The following HCN1 variants were observed in gnomAD, a reference collection of about 807,000 sequenced individuals.
The protein encoded by HCN1 is potassium/sodium hyperpolarization-activated cyclic nucleotide-gated channel 1.
A neutral mutation model predicts 78.9 loss-of-function variants in HCN1; 13 were observed. The ratio of observed to expected loss-of-function variants is 0.16; its 90% confidence interval spans 0.11 to 0.26. The LOEUF is 0.26. Among genes scored for constraint, HCN1 ranks in the 10% least tolerant of loss-of-function variants. The pLI is 1.00. For missense variants in HCN1, 810 were observed against 1,154.3 expected (o/e 0.70, Z 4.32); for synonymous variants, 552 against 455.5 (o/e 1.21, Z -2.70).
At chr5:45,594,274 C>T (rs1421629468) in intron 2 of HCN1, among the ~76,000 whole-genome samples, 5 of 152,122 alleles carry the variant, frequency 3.3e-5, no homozygotes, top group African/African-American at 4.8e-5. Flanking sequence ...AATGATTCTA[C>T]TTTCATTTCA....
chr5:45,302,376 G>T (rs1001390377), intron 6 of HCN1, among the ~76,000 whole-genome samples: 2 of 151,986 alleles, frequency 1.3e-5, no homozygotes, highest in African/African-American at 4.8e-5. Flanking sequence ...GGCCTTCCCA[G>T]CTATGTGGAA....
chr5:45,573,907 T>A (rs530934549), intron 2 of HCN1, among the ~76,000 whole-genome samples: 2 of 152,204 alleles, frequency 1.3e-5, no homozygotes, highest in South Asian at 4.1e-4. Context: ...ATTTATTTTA[T>A]GAGAAAAATA....
At chr5:45,640,402 T>C (rs756039121) in intron 2 of HCN1, among the ~76,000 whole-genome samples, 8 of 152,094 alleles carry the variant, frequency 5.3e-5, no homozygotes, top group Non-Finnish European at 1.2e-4. Context: ...TTCTTCCCTA[T>C]GATATCTATG....
At position 45,539,919 on chromosome 5, in the gene HCN1, G is replaced by GATATATAT. The variant is rs66934051; in HGVS notation, c.850-77920_850-77913dup. ...GAAATCCCATTGTTTTAAATTGTGA[G>GATATATAT]ATATATATATATATATATATATATA... is the stretch of plus-strand genomic sequence containing the variant. On this transcript the variant is annotated intron_variant, in intron 2 of 7. Coordinates refer to ENST00000303230, the MANE Select transcript of HCN1 (RefSeq NM_021072.4). Among the ~76,000 whole-genome samples the GATATATAT allele has an allele frequency of 5.7e-3, 723 of 125,932 alleles. 5 individuals are homozygous for GATATATAT. Among genetic ancestry groups the GATATATAT allele is most frequent in the African/African-American group, 0.023 (682 of 29,826 alleles). The allele number at this position is 125,932 out of a possible 152,430, so 82.6% of individuals were successfully genotyped here.
chr5:45,667,506 A>G (rs1746074015), intron 1 of HCN1, among the ~76,000 whole-genome samples: 2 of 152,054 alleles, frequency 1.3e-5, no homozygotes, highest in Admixed American at 6.6e-5. Context: ...GTTGAAAAAC[A>G]TTTTAAGTAC....
intron 2 of HCN1, among the ~76,000 whole-genome samples, chr5:45,599,786 C>T (rs947847264): frequency 2.6e-5 from 4 of 151,298 alleles, no homozygotes; most frequent in East Asian, 3.9e-4. Context: ...GTTGTCTCTG[C>T]AGGATGACCA....
intron 1 of HCN1, among the ~76,000 whole-genome samples, chr5:45,663,091 A>G (rs1745953585): frequency 6.7e-6 from 1 of 149,874 alleles, no homozygotes; most frequent in African/African-American, 2.5e-5. Flanking sequence ...ACAGCATGGT[A>G]CTGGTACCAA....
intron 5 of HCN1, among the ~76,000 whole-genome samples, chr5:45,332,742 T>C (rs1422533617): frequency 6.6e-6 from 1 of 151,726 alleles, no homozygotes; most frequent in Non-Finnish European, 1.5e-5. Flanking sequence ...TATGTGAGGT[T>C]TGTCTTTTTG....
intron 1 of HCN1, among the ~76,000 whole-genome samples, chr5:45,677,076 T>C (rs1316998659): frequency 6.6e-6 from 1 of 151,838 alleles, no homozygotes; most frequent in Admixed American, 6.6e-5. Flanking sequence ...CTAATTCCTA[T>C]TTGTCTTTGA....
chr5:45,573,512 C>T (rs539644286), intron 2 of HCN1, among the ~76,000 whole-genome samples: 5 of 151,892 alleles, frequency 3.3e-5, no homozygotes, highest in Non-Finnish European at 7.4e-5. Context: ...TAACACTATC[C>T]TTTTCTTACT....
At chr5:45,551,689 G>A (rs1743373978) in intron 2 of HCN1, among the ~76,000 whole-genome samples, 1 of 151,790 alleles carries the variant, frequency 6.6e-6, no homozygotes, top group Non-Finnish European at 1.5e-5. Context: ...AGTAATACCT[G>A]TTTCCAACAA....
At chr5:45,614,780 CA>C (rs1317550517) in intron 2 of HCN1, among the ~76,000 whole-genome samples, 5 of 151,896 alleles carry the variant, frequency 3.3e-5, no homozygotes, top group Non-Finnish European at 7.4e-5. Flanking sequence ...AAAAGAATTT[CA>C]TTTGTGCTCA....
intron 2 of HCN1, among the ~76,000 whole-genome samples, chr5:45,573,992 T>C (rs1480898121): frequency 1.3e-5 from 2 of 152,246 alleles, no homozygotes; most frequent in East Asian, 3.9e-4. Context: ...CAATAGCATA[T>C]ACAAAATAAA....
At chr5:45,671,726 G>C (rs535461230) in intron 1 of HCN1, among the ~76,000 whole-genome samples, 3 of 151,590 alleles carry the variant, frequency 2.0e-5, no homozygotes, top group African/African-American at 7.2e-5. Context: ...GCTATGTAAA[G>C]TGTTCCAATA....
At chr5:45,487,358 T>TA (rs1741788997) in intron 2 of HCN1, among the ~76,000 whole-genome samples, 1 of 152,134 alleles carries the variant, frequency 6.6e-6, no homozygotes. Context: ...AAAGTTTTCC[T>TA]AAAAATATTT....
intron 2 of HCN1, among the ~76,000 whole-genome samples, chr5:45,536,947 T>G (rs1351189406): frequency 6.6e-6 from 1 of 152,184 alleles, no homozygotes; most frequent in Non-Finnish European, 1.5e-5. Flanking sequence ...TGCAATTGCA[T>G]GCACAATTTC....
At chr5:45,526,918 C>T (rs758373157) in intron 2 of HCN1, among the ~76,000 whole-genome samples, 3 of 151,346 alleles carry the variant, frequency 2.0e-5, no homozygotes, top group Admixed American at 6.6e-5. Flanking sequence ...ATCTTATTTC[C>T]TCCAATTTGC....
intron 1 of HCN1, among the ~76,000 whole-genome samples, chr5:45,680,962 T>C (rs76756068): frequency 9.8e-4 from 149 of 152,232 alleles, no homozygotes; most frequent in African/African-American, 3.5e-3. Context: ...CTTTTTGCTA[T>C]TACCCTGGTA....
At chr5:45,455,600 G>A (rs1741013244) in intron 3 of HCN1, among the ~76,000 whole-genome samples, 2 of 151,810 alleles carry the variant, frequency 1.3e-5, no homozygotes, top group Admixed American at 6.6e-5. Flanking sequence ...AGAAAGTCAA[G>A]TGACTTGCAT....
Sources: gnomAD v4.1 joint callset for allele counts (sites outside exome capture counted in the v4.1 genomes callset) on GRCh38, gnomAD v4.1.1 for gene constraint, MANE v1.5 for transcripts, NCBI Gene and HGNC (gene_info 2026-07-23, HGNC 2026-07-21) for gene names.